Variants in DOCK8 observed in about 807,000 individuals in gnomAD.
DOCK8 encodes the protein dedicator of cytokinesis 8, also known as dedicator of cytokinesis protein 8.
In DOCK8, 141 loss-of-function variants were observed where a neutral mutation model predicts 245.6. That is an observed-to-expected ratio of 0.57 (90% CI 0.50 to 0.66). The LOEUF (loss-of-function observed/expected upper bound fraction) is 0.66. Ranked by LOEUF, DOCK8 falls within the 30% of genes least tolerant of loss-of-function variation. The pLI, the probability that DOCK8 is intolerant of heterozygous loss-of-function variation, is 0.00. For missense variants in DOCK8, 2,965 were observed against 2,603.4 expected (o/e 1.14, Z -3.02); for synonymous variants, 1,168 against 970.2 (o/e 1.20, Z -3.79).
chr9:373,645 T>G (rs1293675759), intron 18 of DOCK8, among the ~76,000 whole-genome samples: 1 of 152,250 alleles, frequency 6.6e-6, no homozygotes, highest in African/African-American at 2.4e-5. Context: ...CAGTCAACTT[T>G]CTTCTCTGTT....
At chr9:359,884 A>G (rs1362235379) in intron 14 of DOCK8, among the ~76,000 whole-genome samples, 2 of 152,188 alleles carry the variant, frequency 1.3e-5, no homozygotes, top group African/African-American at 2.4e-5. Flanking sequence ...GAAATTGCCA[A>G]AATTGTTTGG....
intron 4 of DOCK8, among the ~76,000 whole-genome samples, chr9:292,762 A>T (rs1382937082): frequency 6.6e-6 from 1 of 152,136 alleles, no homozygotes; most frequent in East Asian, 1.9e-4. Flanking sequence ...AGAATTATTT[A>T]TGTCATTAAA....
rs1210792510 is a variant in DOCK8, at chr9:307,329, G to GTT, written c.528+2632_528+2633dup. On this transcript the variant is annotated intron_variant, in intron 5 of 47. Coordinates refer to ENST00000432829, the MANE Select transcript of DOCK8 (RefSeq NM_203447.4). ...AACTCAAGTCACTGTGTTGTGTGTG[G>GTT]TTTTTTTTGTTTTTTTTTTTTTTTT... Among the ~76,000 whole-genome samples the GTT allele has an allele frequency of 1.5e-4, 11 of 75,140 alleles. 1 individual carries two copies. The highest frequency in any genetic ancestry group is 4.9e-4 in the African/African-American group (10 of 20,458). The allele number at this position is 75,140 out of a possible 152,430, so 49.3% of individuals were successfully genotyped here.
intron 3 of DOCK8, among the ~76,000 whole-genome samples, chr9:287,373 C>T (rs1398165099): frequency 6.6e-6 from 1 of 152,162 alleles, no homozygotes; most frequent in Non-Finnish European, 1.5e-5. Flanking sequence ...AAAAATGTCT[C>T]TTTGGAGGTT....
intron 28 of DOCK8, among the ~76,000 whole-genome samples, chr9:409,388 G>A (rs918114987): frequency 2.0e-5 from 3 of 151,998 alleles, no homozygotes; most frequent in African/African-American, 7.3e-5. Context: ...CCCATTGCCG[G>A]GACCACAGAC....
chr9:359,052 C>G (rs1270224210), intron 14 of DOCK8, among the ~76,000 whole-genome samples: 2 of 152,168 alleles, frequency 1.3e-5, no homozygotes, highest in Admixed American at 6.5e-5. Flanking sequence ...TCTCATCTAG[C>G]AGGTCCATGG....
At position 403,858 on chromosome 9, in the gene DOCK8, A is replaced by ATCTCTCTG. The variant is rs1554693888; in HGVS notation, c.3235-1053_3235-1052insGTCTCTCT. Among the ~76,000 whole-genome samples the ATCTCTCTG allele has an allele frequency of 9.6e-4, 81 of 83,966 alleles. 5 individuals carry two copies. Among genetic ancestry groups the ATCTCTCTG allele is most frequent in the Middle Eastern group, 6.3e-3 (1 of 158 alleles). 55.1% of individuals were successfully genotyped at this position (83,966 alleles called of 152,430 possible). A position where few individuals can be genotyped will look rare whatever the true frequency, so the allele number is the denominator to read the frequency against. On this transcript the variant is annotated intron_variant, in intron 26 of 47. Transcript: ENST00000432829. ...CCAGTTCAACAGAGCAAGACTCTGTATCTCTCTCTCTCTCTCTCTCTCTCT... is the reference window on the plus strand; with the variant it reads ...CCAGTTCAACAGAGCAAGACTCTGTATCTCTCTGTCTCTCTCTCTCTCTCTCTCTCTCT...
chr9:316,469 C>G (rs1050216960), intron 6 of DOCK8, among the ~76,000 whole-genome samples: 11 of 152,152 alleles, frequency 7.2e-5, no homozygotes, highest in African/African-American at 2.7e-4. Context: ...ATATACCTAG[C>G]ACTTTAGGAA....
intron 14 of DOCK8, among the ~76,000 whole-genome samples, chr9:343,195 G>T (rs1034512271): frequency 6.6e-6 from 1 of 152,134 alleles, no homozygotes; most frequent in African/African-American, 2.4e-5. Flanking sequence ...ATGGTTCCTT[G>T]AGGTCAAAAA....
intron 1 of DOCK8, among the ~76,000 whole-genome samples, chr9:233,488 A>C (rs2047167905): frequency 6.6e-6 from 1 of 152,002 alleles, no homozygotes; most frequent in Admixed American, 6.6e-5. Context: ...TCTAATGTTG[A>C]CAGTGGGGTG....
chr9:448,334 T>A (rs2057328567), intron 44 of DOCK8, among the ~76,000 whole-genome samples: 1 of 152,206 alleles, frequency 6.6e-6, no homozygotes, highest in African/African-American at 2.4e-5. Flanking sequence ...TCTCAAACTG[T>A]TGGCCTCAAA....
In DOCK8 at chr9:399,158, G is replaced by T; in HGVS notation, c.3133G>T (p.Ala1045Ser). 2 of 1,613,984 alleles carry T rather than the reference G, an allele frequency of 1.2e-6. No individual in the cohort carries two copies. Among genetic ancestry groups the T allele is most frequent in the South Asian group, 2.2e-5 (2 of 91,080 alleles). ...GTTTGTTTTTAAGGAAAATGAACAG[G>T]CGGAAAAGATGAACATCAGCCTGGC... is the stretch of plus-strand genomic sequence containing the variant. ...LVKPQKENEQ[A>S]EKMNISLAFF... Residue 1045 changes from alanine (A) to serine (S), a missense_variant, in exon 26 of 48, where the codon GCG (alanine) becomes TCG (serine). Coordinates refer to ENST00000432829, the MANE Select transcript of DOCK8 (RefSeq NM_203447.4).
chr9:355,938 C>T (rs2052422638), intron 14 of DOCK8, among the ~76,000 whole-genome samples: 2 of 152,110 alleles, frequency 1.3e-5, no homozygotes, highest in African/African-American at 4.8e-5. Flanking sequence ...AAAGTAGTTC[C>T]AATCCTTCCC....
intron 14 of DOCK8, among the ~76,000 whole-genome samples, chr9:342,028 G>A (rs1417726135): frequency 1.3e-5 from 2 of 152,052 alleles, no homozygotes; most frequent in East Asian, 3.8e-4. Context: ...CAAGCTCAGG[G>A]CTCCTACTGA....
chr9:379,542 C>T (rs1363935853), intron 20 of DOCK8, among the ~76,000 whole-genome samples: 2 of 152,134 alleles, frequency 1.3e-5, no homozygotes, highest in African/African-American at 2.4e-5. Context: ...TCATTAAAAA[C>T]CATCAATGCT....
chr9:339,718 G>T (rs1480844841), intron 13 of DOCK8, among the ~76,000 whole-genome samples: 2 of 152,198 alleles, frequency 1.3e-5, no homozygotes, highest in East Asian at 3.9e-4. Flanking sequence ...GTTTCACCAT[G>T]TTGGCCAGGA....
chr9:439,197 C>T (rs774836231), intron 39 of DOCK8, 48 bp from the exon 40 acceptor site: 2 of 1,613,634 alleles, frequency 1.2e-6, no homozygotes, highest in Admixed American at 1.7e-5. Flanking sequence ...TGGTCTCTTA[C>T]TAGTCTGGTC....
rs1277386631 is a variant in DOCK8, at chr9:245,867, A to G, written c.54-25760A>G. 2.0e-5 allele frequency among the ~76,000 whole-genome samples: 3 copies of G among 152,182 alleles called. No homozygotes were observed. In the East Asian group the frequency reaches 5.8e-4, roughly 29 times the overall value. On this transcript the variant is annotated intron_variant, in intron 1 of 47. Transcript: ENST00000432829. ...AACTTTAAACTTGCTGGACAAAATG[A>G]TAGGGGACTTTGAAATAATTATTCA...
intron 14 of DOCK8, among the ~76,000 whole-genome samples, chr9:354,819 A>T (rs369256316): frequency 1.3e-5 from 2 of 152,138 alleles, no homozygotes; most frequent in East Asian, 1.9e-4. Context: ...AGCAAGCGGG[A>T]GGGTAAGAGA....
Sources: gnomAD v4.1 joint callset for allele counts (sites outside exome capture counted in the v4.1 genomes callset) on GRCh38, gnomAD v4.1.1 for gene constraint, MANE v1.5 for transcripts, NCBI Gene and HGNC (gene_info 2026-07-23, HGNC 2026-07-21) for gene names.